The following L3MBTL4 variants were observed in gnomAD, a reference collection of about 807,000 sequenced individuals.
L3MBTL4 encodes the protein lethal(3)malignant brain tumor-like protein 4.
L3MBTL4 carries 70 observed loss-of-function variants against 84.5 expected under a neutral mutation model. The ratio of observed to expected loss-of-function variants is 0.83; its 90% CI spans 0.68 to 1.01. The LOEUF (loss-of-function observed/expected upper bound fraction) is 1.01. L3MBTL4 is among the 50% of genes least tolerant of loss of function. The pLI is 0.00. For synonymous variants in L3MBTL4, 274 were observed against 259.8 expected, an observed-to-expected ratio of 1.05 and a Z score of -0.52; for missense variants, 715 against 754.8, an observed-to-expected ratio of 0.95 and a Z score of 0.62.
At chr18:5,957,316 C>T (rs1442534208) in intron 18 of L3MBTL4, among the ~76,000 whole-genome samples, 4 of 152,002 alleles carry the variant, frequency 2.6e-5, no homozygotes, top group Non-Finnish European at 5.9e-5. Flanking sequence ...AATCATCACG[C>T]ATTGTATATG....
chr18:6,289,901 G>A (rs180724496), intron 4 of L3MBTL4, among the ~76,000 whole-genome samples: 3 of 152,150 alleles, frequency 2.0e-5, no homozygotes, highest in East Asian at 3.9e-4. Context: ...TTCACTTCCA[G>A]GTTATCTTTT....
rs1161111825 is a variant in L3MBTL4, at chr18:6,165,627, C to T, written c.1096+6201G>A. Reference sequence around the variant, plus strand: ...ATAAAATACTTTACAGACAAGCAAACACTGAGAGATTTTGTCACCACCAGG... The same window carrying T: ...ATAAAATACTTTACAGACAAGCAAATACTGAGAGATTTTGTCACCACCAGG... On this transcript the variant is annotated intron_variant, in intron 13 of 18. Coordinates refer to ENST00000317931, the MANE Select transcript of L3MBTL4 (RefSeq NM_001330559.2). Among the ~76,000 whole-genome samples the T allele has an allele frequency of 4.6e-5, 7 of 152,090 alleles. No homozygotes were observed. In the East Asian group the frequency reaches 7.7e-4, roughly 17 times the overall value.
At chr18:6,102,024 C>A (rs1370860739) in intron 14 of L3MBTL4, among the ~76,000 whole-genome samples, 1 of 152,190 alleles carries the variant, frequency 6.6e-6, no homozygotes, top group East Asian at 1.9e-4. Flanking sequence ...CACTGCCCTC[C>A]AGTTTTAACG....
intron 14 of L3MBTL4, among the ~76,000 whole-genome samples, chr18:6,123,232 G>A (rs960748204): frequency 3.9e-5 from 6 of 152,144 alleles, no homozygotes; most frequent in Admixed American, 1.3e-4. Context: ...TAAGTTTCTT[G>A]CAACTGGAAA....
chr18:6,019,094 T>C (rs1306040892), intron 16 of L3MBTL4, among the ~76,000 whole-genome samples: 2 of 152,234 alleles, frequency 1.3e-5, no homozygotes, highest in Non-Finnish European at 2.9e-5. Context: ...ATCAGAATTA[T>C]ATTCATTGCA....
chr18:6,210,131 T>C (rs560085124), intron 12 of L3MBTL4, among the ~76,000 whole-genome samples: 1 of 152,292 alleles, frequency 6.6e-6, no homozygotes, highest in South Asian at 2.1e-4. Flanking sequence ...GGTACGTGAA[T>C]TGTATCTCAA....
rs1234109267 is a variant in L3MBTL4 at position 6,326,228 on chromosome 18, C to T, written c.-90-14172G>A. On this transcript the variant is annotated intron_variant, in intron 1 of 18. Coordinates refer to ENST00000317931, the MANE Select transcript of L3MBTL4 (RefSeq NM_001330559.2). ...GGAAATCACAAGAAAGATAAACTGA[C>T]TCTGGCTCTCTTAAGCAAAAAAGGT... is the stretch of plus-strand genomic sequence containing the variant. Among the ~76,000 whole-genome samples, 5 of 152,178 alleles carry T rather than the reference C, an allele frequency of 3.3e-5. No homozygotes were observed. The East Asian group carries it at 9.6e-4, about 29-fold the overall frequency.
intron 16 of L3MBTL4, among the ~76,000 whole-genome samples, chr18:5,984,941 T>C (rs2053402737): frequency 6.6e-6 from 1 of 152,200 alleles, no homozygotes; most frequent in African/African-American, 2.4e-5. Context: ...CCTCAAACTA[T>C]GCTGTCTTAA....
At chr18:5,978,956 G>A (rs955826465) in intron 16 of L3MBTL4, among the ~76,000 whole-genome samples, 16 of 152,154 alleles carry the variant, frequency 1.1e-4, no homozygotes, top group African/African-American at 3.6e-4. Context: ...ATCTGAGCAC[G>A]ACCTACCTCT....
intron 14 of L3MBTL4, among the ~76,000 whole-genome samples, chr18:6,118,351 T>G (rs1395792164): frequency 1.3e-5 from 2 of 152,142 alleles, no homozygotes; most frequent in East Asian, 1.9e-4. Flanking sequence ...CCGGAAACTT[T>G]TCTGGAAATT....
chr18:6,126,936 T>C (rs1349651313), intron 14 of L3MBTL4, among the ~76,000 whole-genome samples: 1 of 152,216 alleles, frequency 6.6e-6, no homozygotes, highest in Non-Finnish European at 1.5e-5. Context: ...TAACAGGATG[T>C]CAAGGAAAAT....
At chr18:6,064,767 T>G (rs1181320502) in intron 16 of L3MBTL4, among the ~76,000 whole-genome samples, 1 of 152,050 alleles carries the variant, frequency 6.6e-6, no homozygotes, top group African/African-American at 2.4e-5. Context: ...TTTAGGGTTT[T>G]CTAAGCATAT....
At chr18:5,971,180 G>A (rs1169768271) in intron 16 of L3MBTL4, among the ~76,000 whole-genome samples, 1 of 152,232 alleles carries the variant, frequency 6.6e-6, no homozygotes, top group Non-Finnish European at 1.5e-5. Context: ...CAGTATGTTG[G>A]CAAATGTGAA....
At chr18:6,098,768 T>C (rs2058720288) in intron 14 of L3MBTL4, among the ~76,000 whole-genome samples, 1 of 152,168 alleles carries the variant, frequency 6.6e-6, no homozygotes, top group African/African-American at 2.4e-5. Context: ...TAACCAATTA[T>C]ATTATTTTCC....
chr18:6,371,800 A>G (rs1489859926), intron 1 of L3MBTL4, among the ~76,000 whole-genome samples: 2 of 152,238 alleles, frequency 1.3e-5, no homozygotes, highest in Non-Finnish European at 2.9e-5. Flanking sequence ...TGGTTTCAGA[A>G]CACTGTAAGA....
intron 18 of L3MBTL4, among the ~76,000 whole-genome samples, chr18:5,959,689 C>A (rs1043444817): frequency 1.3e-5 from 2 of 152,096 alleles, no homozygotes; most frequent in African/African-American, 4.8e-5. Context: ...TCCTGCCTTC[C>A]CGCAAATGGC....
chr18:5,984,261 G>A (rs115064690), intron 16 of L3MBTL4, among the ~76,000 whole-genome samples: 1 of 152,310 alleles, frequency 6.6e-6, no homozygotes, highest in African/African-American at 2.4e-5. Flanking sequence ...ACATACTGGT[G>A]TTAATTCTTT....
chr18:6,374,306 G>C (rs909683479), intron 1 of L3MBTL4: 1 of 153,984 alleles, frequency 6.5e-6, no homozygotes, highest in Non-Finnish European at 1.5e-5. Context: ...GAGCTGTCAC[G>C]AGGATTACAT....
chr18:6,031,623 C>T (rs2055804475), intron 16 of L3MBTL4: 2 of 952,448 alleles, frequency 2.1e-6, no homozygotes, highest in Admixed American at 1.2e-4. Flanking sequence ...GAGGACATGG[C>T]CTTGGCTGGG....
Sources: allele counts gnomAD v4.1 joint callset (sites outside exome capture counted in the v4.1 genomes callset), GRCh38; gene constraint gnomAD v4.1.1; transcripts MANE v1.5; gene names NCBI Gene and HGNC (gene_info 2026-07-23, HGNC 2026-07-21).